Variants in TULP3 observed in about 807,000 individuals in gnomAD.
TULP3 encodes the protein TUB like protein 3, also known as tubby-related protein 3.
TULP3 carries 38 observed loss-of-function variants against 50.7 expected under a neutral mutation model. The observed-to-expected ratio is 0.75, with a 90% CI of 0.58 to 0.98. The LOEUF (loss-of-function observed/expected upper bound fraction) is 0.98. TULP3 is among the 50% of genes least tolerant of loss of function. TULP3 has a pLI of 0.00. For missense variants in TULP3, 550 were observed against 568.0 expected (o/e 0.97, Z 0.32); for synonymous variants, 183 against 196.6 (o/e 0.93, Z 0.58).
intron 8 of TULP3, among the ~76,000 whole-genome samples, chr12:2,937,007 A>G (rs71435041): frequency 0.21 from 30,842 of 150,042 alleles, 3,244 homozygotes; most frequent in South Asian, 0.27. Context: ...GCTGAGGCAC[A>G]GGAATCGCTT....
At chr12:2,894,538 AACACACACAC>A (rs56834874) in intron 1 of TULP3, among the ~76,000 whole-genome samples, 82 of 147,828 alleles carry the variant, frequency 5.5e-4, no homozygotes, top group African/African-American at 1.6e-3. Flanking sequence ...CCGTCTCAAA[AACACACACAC>A]ACACACACAC....
At chr12:2,899,206 A>G (rs1295994280) in intron 1 of TULP3, among the ~76,000 whole-genome samples, 2 of 151,886 alleles carry the variant, frequency 1.3e-5, no homozygotes, top group Non-Finnish European at 2.9e-5. Context: ...TTAGCCGGGC[A>G]TGGTGGCCCA....
intron 2 of TULP3, among the ~76,000 whole-genome samples, chr12:2,912,632 T>C (rs748908764): frequency 5.3e-5 from 8 of 152,138 alleles, no homozygotes; most frequent in Non-Finnish European, 1.0e-4. Flanking sequence ...CTCCCGAGGA[T>C]TGGTTTGTAT....
intron 1 of TULP3, among the ~76,000 whole-genome samples, chr12:2,906,032 ATT>A (rs757029329): frequency 4.3e-5 from 6 of 139,096 alleles, no homozygotes; most frequent in Non-Finnish European, 6.3e-5. Context: ...AAAAAAAAAA[ATT>A]TTTTTTTTTT....
rs1465964800 is a variant in TULP3, at chr12:2,934,500, T to C, written c.863T>C (p.Met288Thr). 6.2e-7 allele frequency: 1 copy of C among 1,605,046 alleles called. No homozygotes were observed. The highest frequency in any genetic ancestry group is 8.5e-7 in the Non-Finnish European group (1 of 1,176,220). ...FTVYDRGICP[M>T]KGRGLVGAAH... ...GTTTATGACCGTGGCATCTGCCCCA[T>C]GAAGGGCCGGGGTTTGGTAGGAGCG... The change falls in exon 8 of 11, where the codon ATG becomes ACG. Residue 288 changes from methionine (M) to threonine (T), a missense_variant. By Grantham distance (81) the Met-to-Thr change is moderately conservative. Coordinates refer to ENST00000448120, the MANE Select transcript of TULP3 (RefSeq NM_003324.5).
At chr12:2,903,922 T>C (rs1345507701) in intron 1 of TULP3, among the ~76,000 whole-genome samples, 1 of 151,618 alleles carries the variant, frequency 6.6e-6, no homozygotes, top group Non-Finnish European at 1.5e-5. Flanking sequence ...TAGCTGGGAT[T>C]ACAGGCGCCC....
At chr12:2,927,899 T>C (rs944120780) in intron 4 of TULP3, among the ~76,000 whole-genome samples, 1 of 152,140 alleles carries the variant, frequency 6.6e-6, no homozygotes, top group African/African-American at 2.4e-5. Context: ...GAATTTAGTT[T>C]AGGTCTTGCT....
At chr12:2,932,930 T>C (rs2098198953) in intron 6 of TULP3, among the ~76,000 whole-genome samples, 1 of 151,794 alleles carries the variant, frequency 6.6e-6, no homozygotes, top group African/African-American at 2.4e-5. Flanking sequence ...TGATAGTGAA[T>C]TATTTTATTT....
intron 7 of TULP3, 62 bp from the exon 8 acceptor site, chr12:2,934,385 G>A (rs2098199880): frequency 9.0e-7 from 1 of 1,115,668 alleles, no homozygotes; most frequent in African/African-American, 1.6e-5. Context: ...CCTTCTCTTA[G>A]ATTGTGTTTG....
At position 2,890,891 on chromosome 12, in the gene TULP3, A is replaced by T. The variant is rs2098171350; in HGVS notation, c.-57A>T. On this transcript the variant is annotated 5_prime_UTR_variant, in exon 1 of 11. Coordinates refer to ENST00000448120, the MANE Select transcript of TULP3 (RefSeq NM_003324.5). Reference sequence around the variant, plus strand: ...GACGCGGCGGCGTGCCAGCCTAGCCACTCTAGCGACGGCGGGGAAGAGTGT... The same window carrying T: ...GACGCGGCGGCGTGCCAGCCTAGCCTCTCTAGCGACGGCGGGGAAGAGTGT... 6.6e-7 allele frequency: 1 copy of T among 1,517,524 alleles called. No homozygotes were observed. Among genetic ancestry groups the T allele is most frequent in the South Asian group, 1.3e-5 (1 of 79,956 alleles). 94.0% of individuals were successfully genotyped at this position (1,517,524 alleles called of 1,614,324 possible). A position where few individuals can be genotyped will look rare whatever the true frequency, so the allele number is the denominator to read the frequency against.
intron 2 of TULP3, 51 bp from the exon 3 acceptor site, chr12:2,920,712 T>C (rs764296834): frequency 6.2e-7 from 1 of 1,602,400 alleles, no homozygotes; most frequent in Admixed American, 1.7e-5. Flanking sequence ...TGGAAATGGT[T>C]AGGTCATGTC....
In TULP3 at chr12:2,931,035, A is replaced by G; in HGVS notation, c.493-2A>G. On this transcript the variant is annotated splice_acceptor_variant, in intron 5 of 10. Coordinates refer to ENST00000448120, the MANE Select transcript of TULP3 (RefSeq NM_003324.5). LOFTEE classifies it high-confidence loss of function. ...GTTGCTCATGTATGGCTGTCCTTTCAGGATACAGGCACTTCCGGTTCTGCT... is the reference window on the plus strand; with the variant it reads ...GTTGCTCATGTATGGCTGTCCTTTCGGGATACAGGCACTTCCGGTTCTGCT... 4 of 1,614,070 alleles carry G rather than the reference A, an allele frequency of 2.5e-6. No individual in the cohort carries two copies. Among genetic ancestry groups the G allele is most frequent in the Non-Finnish European group, 2.5e-6 (3 of 1,180,010 alleles).
At chr12:2,921,258 A>C (rs931277739) in intron 3 of TULP3, among the ~76,000 whole-genome samples, 15 of 151,954 alleles carry the variant, frequency 9.9e-5, no homozygotes, top group South Asian at 2.1e-4. Context: ...TCCTGCCTCA[A>C]CTTCCCGAGT....
chr12:2,909,695 G>C, intron 2 of TULP3, 115 bp downstream of exon 2: 1 of 1,109,302 alleles, frequency 9.0e-7, no homozygotes, highest in Non-Finnish European at 1.3e-6. Context: ...AAAGGAGAAG[G>C]CTCGGGTGGT....
chr12:2,897,519 C>CT (rs2098176225), intron 1 of TULP3, among the ~76,000 whole-genome samples: 3 of 152,148 alleles, frequency 2.0e-5, no homozygotes, highest in South Asian at 4.2e-4. Flanking sequence ...AATCCTAGCA[C>CT]TTAGGGAGGC....
At chr12:2,893,564 G>A (rs922040352) in intron 1 of TULP3, among the ~76,000 whole-genome samples, 1 of 151,578 alleles carries the variant, frequency 6.6e-6, no homozygotes, top group Non-Finnish European at 1.5e-5. Flanking sequence ...CAGGGGATTC[G>A]CCCGCCTCGG....
intron 1 of TULP3, among the ~76,000 whole-genome samples, chr12:2,903,606 A>G (rs1353308003): frequency 6.6e-6 from 1 of 152,092 alleles, no homozygotes; most frequent in Non-Finnish European, 1.5e-5. Flanking sequence ...ATTTGCTGAA[A>G]AGTTGCAAGA....
chr12:2,892,170 G>T (rs1002247814), intron 1 of TULP3, among the ~76,000 whole-genome samples: 3 of 152,014 alleles, frequency 2.0e-5, no homozygotes, highest in African/African-American at 4.8e-5. Flanking sequence ...TTTAAAAATT[G>T]TCACAAAGTT....
rs1329299805 is a variant in TULP3, at chr12:2,937,104, CAA to C, written c.925-517_925-516del. Reference sequence around the variant, plus strand: ...CTGGCGACAGAGCGTGACTCTGTCTCAAAAAAAAAAAGAGAAGTATAAAGAGA... The same window carrying C: ...CTGGCGACAGAGCGTGACTCTGTCTCAAAAAAAAAGAGAAGTATAAAGAGA... On this transcript the variant is annotated intron_variant, in intron 8 of 10. Coordinates refer to ENST00000448120, the MANE Select transcript of TULP3 (RefSeq NM_003324.5). Among the ~76,000 whole-genome samples the C allele has an allele frequency of 6.3e-5, 7 of 110,724 alleles. No homozygotes were observed. The South Asian group carries it at 9.5e-4, about 15-fold the overall frequency. The allele number at this position is 110,724 out of a possible 152,430, so 72.6% of individuals were successfully genotyped here.
Sources: gnomAD v4.1 joint callset for allele counts (sites outside exome capture counted in the v4.1 genomes callset) on GRCh38, gnomAD v4.1.1 for gene constraint, MANE v1.5 for transcripts, NCBI Gene and HGNC (gene_info 2026-07-23, HGNC 2026-07-21) for gene names.